The following MMRN1 variants were observed in gnomAD, a reference collection of about 807,000 sequenced individuals.
MMRN1 encodes the protein multimerin-1.
Under a neutral mutation model 100.7 loss-of-function variants are expected in MMRN1, and 94 were observed. That is an observed-to-expected ratio of 0.93 (90% CI 0.79 to 1.11). MMRN1 has a LOEUF of 1.11. Ranked by LOEUF, MMRN1 falls within the 50% of genes least tolerant of loss-of-function variation. The pLI is 0.00. For synonymous variants in MMRN1, 575 were observed against 505.0 expected (o/e 1.14, Z -1.86); for missense variants, 1,606 against 1,439.1 (o/e 1.12, Z -1.88).
chr4:89,898,652 G>C (rs1721287596), intron 1 of MMRN1, among the ~76,000 whole-genome samples: 1 of 151,602 alleles, frequency 6.6e-6, no homozygotes, highest in South Asian at 2.1e-4. Flanking sequence ...TCAAATAAGT[G>C]GTTCTCTGGT....
intron 1 of MMRN1, among the ~76,000 whole-genome samples, chr4:89,907,186 T>C (rs1234559659): frequency 6.6e-6 from 1 of 151,494 alleles, no homozygotes; most frequent in Non-Finnish European, 1.5e-5. Flanking sequence ...ATCTTTTTAT[T>C]TTTATTTCTT....
intron 1 of MMRN1, among the ~76,000 whole-genome samples, chr4:89,880,365 A>G (rs1720791574): frequency 6.6e-6 from 1 of 152,176 alleles, no homozygotes; most frequent in Non-Finnish European, 1.5e-5. Context: ...TATAGCTTAT[A>G]TGCCACTTAA....
At chr4:89,938,950 T>G (rs190622896) in intron 6 of MMRN1, among the ~76,000 whole-genome samples, 2 of 151,988 alleles carry the variant, frequency 1.3e-5, no homozygotes, top group African/African-American at 4.8e-5. Context: ...AGCAACATAA[T>G]GTATGGGACC....
rs79266841 is a variant in MMRN1 at position 89,935,824 on chromosome 4, G to A, written c.2144G>A (p.Arg715Lys). Reference sequence around the variant, plus strand: ...CAGGGTCGTGATGATGCCTTAGAAAGACGTATCAATGAATATGCCTTAGAA... The same window carrying A: ...CAGGGTCGTGATGATGCCTTAGAAAAACGTATCAATGAATATGCCTTAGAA... ...EVQGRDDALERRINEYALEME... is the reference protein window; with the variant it reads ...EVQGRDDALEKRINEYALEME... The change falls in exon 6 of 8, where the codon AGA becomes AAA. Residue 715 changes from arginine (R) to lysine (K), a missense_variant. Physicochemically the swap from Arg to Lys is conservative, Grantham distance 26 (BLOSUM62 2). Coordinates refer to ENST00000264790, the MANE Select transcript of MMRN1 (RefSeq NM_007351.3). The A allele has an allele frequency of 5.9e-4, 945 of 1,613,198 alleles. 6 individuals are homozygous for A. The African/African-American group carries it at 0.012, about 20-fold the overall frequency.
chr4:89,927,148 A>AT (rs201261430), intron 4 of MMRN1, among the ~76,000 whole-genome samples: 1,624 of 144,972 alleles, frequency 0.011, 25 homozygotes, highest in African/African-American at 0.031. Context: ...AAATTTTAGG[A>AT]TTTTTTTTTT....
rs780292599 is a variant in MMRN1 at position 89,935,944 on chromosome 4, T to G, written c.2264T>G (p.Ile755Ser). 1 of 1,611,078 alleles carries G rather than the reference T, an allele frequency of 6.2e-7. No individual in the cohort carries two copies. The highest frequency in any genetic ancestry group is 1.1e-5 in the South Asian group (1 of 90,608). Residue 755 changes from isoleucine to serine, a missense_variant, in exon 6 of 8, where the codon ATT (isoleucine) becomes AGT (serine). Transcript: ENST00000264790. ...NYALKETLST[I>S]KDNSEIHHKC... ...GCCCTAAAAGAGACTTTAAGTACTA[T>G]TAAGGATAATAGTGAGATCCATCAT...
chr4:89,940,776 T>A (rs1722798402), intron 6 of MMRN1, among the ~76,000 whole-genome samples: 1 of 152,186 alleles, frequency 6.6e-6, no homozygotes, highest in Admixed American at 6.6e-5. Context: ...TTTTCTTAGC[T>A]ATATTCAATG....
chr4:89,911,689 A>G (rs778297383), intron 2 of MMRN1, among the ~76,000 whole-genome samples: 22 of 151,428 alleles, frequency 1.5e-4, no homozygotes, highest in Non-Finnish European at 2.4e-4. Flanking sequence ...AAGCTATAAT[A>G]TCTTTAGAAA....
upstream of MMRN1, chr4:89,894,847 C>T: frequency 6.9e-7 from 1 of 1,449,102 alleles, no homozygotes. Context: ...AAACCTGTTT[C>T]CTCTACACAT....
At chr4:89,932,111 A>G (rs1256990498) in intron 5 of MMRN1, among the ~76,000 whole-genome samples, 1 of 152,196 alleles carries the variant, frequency 6.6e-6, no homozygotes, top group Non-Finnish European at 1.5e-5. Context: ...GGGTAAATAC[A>G]GCCATTCCAA....
intron 4 of MMRN1, among the ~76,000 whole-genome samples, chr4:89,926,941 A>G (rs539159380): frequency 6.6e-6 from 1 of 151,982 alleles, no homozygotes; most frequent in Non-Finnish European, 1.5e-5. Context: ...CTGTAGATAC[A>G]TGGATTTGTT....
At chr4:89,931,380 T>C (rs1722429340) in intron 5 of MMRN1, among the ~76,000 whole-genome samples, 1 of 152,220 alleles carries the variant, frequency 6.6e-6, no homozygotes, top group Non-Finnish European at 1.5e-5. Context: ...ATGTGGAGCC[T>C]ATTTTTTTAA....
chr4:89,881,115 G>C (rs1398096186), intron 1 of MMRN1, among the ~76,000 whole-genome samples: 1 of 152,008 alleles, frequency 6.6e-6, no homozygotes, highest in Non-Finnish European at 1.5e-5. Context: ...AACTTTTTCA[G>C]TGACTAATTT....
At chr4:89,928,110 A>G (rs1722325695) in intron 5 of MMRN1, 142 bp downstream of exon 5, 2 of 576,106 alleles carry the variant, frequency 3.5e-6, no homozygotes, top group African/African-American at 1.9e-5. Flanking sequence ...AATGAGATAT[A>G]AATTCACTAA....
intron 5 of MMRN1, among the ~76,000 whole-genome samples, chr4:89,931,795 T>TCTCCCACTGGGTCC (rs1475619926): frequency 1.3e-5 from 2 of 152,120 alleles, no homozygotes; most frequent in Non-Finnish European, 2.9e-5. Flanking sequence ...ATTCAATTTA[T>TCTCCCACTGGGTCC]CTCCCACTGG....
At chr4:89,933,602 C>T (rs969125969) in intron 5 of MMRN1, among the ~76,000 whole-genome samples, 1 of 152,116 alleles carries the variant, frequency 6.6e-6, no homozygotes, top group South Asian at 2.1e-4. Flanking sequence ...AGAGCAAAGC[C>T]ACATCTTACA....
intron 7 of MMRN1, among the ~76,000 whole-genome samples, chr4:89,952,585 C>T (rs990165621): frequency 3.3e-5 from 5 of 152,018 alleles, no homozygotes; most frequent in Non-Finnish European, 7.4e-5. Context: ...GACAAGGTGC[C>T]GGAAAAATTG....
intron 6 of MMRN1, among the ~76,000 whole-genome samples, chr4:89,939,312 T>G (rs1722751308): frequency 6.6e-6 from 1 of 152,160 alleles, no homozygotes; most frequent in Non-Finnish European, 1.5e-5. Context: ...ATTCAGATTC[T>G]AGCTGCCATC....
Position 89,935,982 on chromosome 4 carries a change from G to A in MMRN1, c.2302G>A (p.Asp768Asn), listed in dbSNP as rs181701315. 8.1e-6 allele frequency: 13 copies of A among 1,612,766 alleles called. No homozygotes were observed. In the African/African-American group the frequency reaches 1.6e-4, roughly 20 times the overall value. ...NSEIHHKCTSDMETILTFIPQ... is the reference protein window; with the variant it reads ...NSEIHHKCTSNMETILTFIPQ... ...TGAGATCCATCATAAATGTACCTCC[G>A]ATATGGAAACTATTTTGACATTTAT... The change falls in exon 6 of 8, where the codon GAT becomes AAT. Residue 768 changes from aspartate to asparagine, a missense_variant. Physicochemically the swap from Asp to Asn is conservative, Grantham distance 23. Coordinates refer to ENST00000264790, the MANE Select transcript of MMRN1 (RefSeq NM_007351.3).
Sources: gnomAD v4.1 joint callset for allele counts (sites outside exome capture counted in the v4.1 genomes callset) on GRCh38, gnomAD v4.1.1 for gene constraint, MANE v1.5 for transcripts, NCBI Gene and HGNC (gene_info 2026-07-23, HGNC 2026-07-21) for gene names.